Variants in PCDH9 observed in about 807,000 individuals in gnomAD.
PCDH9 encodes the protein protocadherin 9.
PCDH9 carries 24 observed loss-of-function variants against 70.6 expected under a neutral mutation model. The ratio of observed to expected loss-of-function variants is 0.34; its 90% CI spans 0.25 to 0.48. PCDH9 has a LOEUF of 0.48. Among genes scored for constraint, PCDH9 ranks in the 20% least tolerant of loss-of-function variants. The pLI, the probability that PCDH9 is intolerant of heterozygous loss-of-function variation, is 0.99. For missense variants in PCDH9, 1,281 were observed against 1,503.6 expected (o/e 0.85, Z 2.45); for synonymous variants, 562 against 558.5 (o/e 1.01, Z -0.09).
intron 4 of PCDH9, among the ~76,000 whole-genome samples, chr13:66,506,845 A>C (rs956035280): frequency 5.9e-5 from 9 of 152,262 alleles, no homozygotes; most frequent in African/African-American, 2.2e-4. Context: ...CAAGAGGAAG[A>C]AATACTTTTT....
At chr13:67,130,681 T>C (rs1294499104) in intron 2 of PCDH9, among the ~76,000 whole-genome samples, 2 of 151,972 alleles carry the variant, frequency 1.3e-5, no homozygotes, top group Non-Finnish European at 1.5e-5. Flanking sequence ...TGCCTCATCA[T>C]AGGAACATCT....
At chr13:67,199,228 T>C (rs2138046135) in intron 2 of PCDH9, among the ~76,000 whole-genome samples, 1 of 151,768 alleles carries the variant, frequency 6.6e-6, no homozygotes, top group East Asian at 1.9e-4. Context: ...TGTGAACATA[T>C]ACCATATACA....
Position 67,226,143 on chromosome 13 carries a change from C to T in PCDH9, c.2298G>A (p.Thr766=), listed in dbSNP as rs769828344. 23 of 1,613,986 alleles carry T rather than the reference C, an allele frequency of 1.4e-5. No homozygotes were observed. In the Admixed American group the frequency reaches 2.5e-4, roughly 18 times the overall value. The change falls in exon 2 of 5, where the codon ACG becomes ACA. Residue 766 remains threonine (T), a synonymous_variant. Coordinates refer to ENST00000377865, the MANE Select transcript of PCDH9 (RefSeq NM_203487.3). This position sits in a 1 kb window ranked among gnomAD's most constrained non-coding sequence, Gnocchi z 5.0. The stretch of plus-strand genomic sequence containing the variant: ...TAACATAAAGGAATACAAGCACAAG[C>T]GTGTGCAAAGACTTAGGGTACCCCA... ...SDLGYPKSLH[T]LVLVFLYVND...
At chr13:66,670,747 A>G (rs2078162433) in intron 3 of PCDH9, among the ~76,000 whole-genome samples, 1 of 152,002 alleles carries the variant, frequency 6.6e-6, no homozygotes, top group South Asian at 2.1e-4. Context: ...CACATTATGT[A>G]TTTTAATGAT....
intron 3 of PCDH9, among the ~76,000 whole-genome samples, chr13:66,764,143 G>T (rs895209515): frequency 1.3e-5 from 2 of 151,472 alleles, no homozygotes; most frequent in African/African-American, 4.9e-5. Flanking sequence ...TATATGTGGG[G>T]CCTTCCATAT....
At chr13:66,961,481 G>A (rs1014323289) in intron 2 of PCDH9, among the ~76,000 whole-genome samples, 8 of 152,122 alleles carry the variant, frequency 5.3e-5, no homozygotes, top group African/African-American at 1.9e-4. Flanking sequence ...CAAAATTTAA[G>A]AAATATTGAA....
At chr13:66,411,961 A>T (rs1309850345) in intron 4 of PCDH9, among the ~76,000 whole-genome samples, 1 of 152,306 alleles carries the variant, frequency 6.6e-6, no homozygotes, top group Non-Finnish European at 1.5e-5. Context: ...ACTATTTTCA[A>T]GTAACTGTTC....
chr13:67,089,512 G>A (rs1399056942), intron 2 of PCDH9, among the ~76,000 whole-genome samples: 1 of 151,762 alleles, frequency 6.6e-6, no homozygotes, highest in African/African-American at 2.4e-5. Flanking sequence ...ATTGCATTAG[G>A]CCATGAATAC....
At chr13:66,893,229 TA>T (rs879684957) in intron 3 of PCDH9, among the ~76,000 whole-genome samples, 1 of 152,152 alleles carries the variant, frequency 6.6e-6, no homozygotes, top group African/African-American at 2.4e-5. Context: ...TCCGGACAAA[TA>T]ATCCATGAAA....
chr13:67,011,311 C>T (rs1180419403), intron 2 of PCDH9, among the ~76,000 whole-genome samples: 1 of 151,806 alleles, frequency 6.6e-6, no homozygotes, highest in Non-Finnish European at 1.5e-5. Context: ...AGAACAAAAA[C>T]ATTATTCAAA....
intron 3 of PCDH9, among the ~76,000 whole-genome samples, chr13:66,830,884 A>C (rs2080913518): frequency 6.6e-6 from 1 of 152,238 alleles, no homozygotes; most frequent in African/African-American, 2.4e-5. Flanking sequence ...TTTATGTTAA[A>C]TTTTAACTTA....
At chr13:66,747,104 C>A (rs764210472) in intron 3 of PCDH9, among the ~76,000 whole-genome samples, 1 of 152,226 alleles carries the variant, frequency 6.6e-6, no homozygotes, top group Non-Finnish European at 1.5e-5. Flanking sequence ...GTAATCCCAG[C>A]GCCTTGGGAG....
rs1225153360 is a variant in PCDH9, at chr13:66,345,879, T to C, written c.3341-40851A>G. On this transcript the variant is annotated intron_variant, in intron 4 of 4. Coordinates refer to ENST00000377865, the MANE Select transcript of PCDH9 (RefSeq NM_203487.3). ...CCATCTCTTTTACAATAACACTCCC[T>C]GTTTGAGGAAAAGACCCCAGTGAGC... 2.6e-5 allele frequency among the ~76,000 whole-genome samples: 4 copies of C among 152,152 alleles called. No homozygotes were observed. The South Asian group carries it at 6.2e-4, about 24-fold the overall frequency.
chr13:66,570,197 T>A (rs985621077), intron 4 of PCDH9, among the ~76,000 whole-genome samples: 2 of 152,144 alleles, frequency 1.3e-5, no homozygotes, highest in African/African-American at 2.4e-5. Flanking sequence ...ACAACATTGT[T>A]GAAATGACAC....
At chr13:66,992,404 A>G (rs1400364354) in intron 2 of PCDH9, among the ~76,000 whole-genome samples, 1 of 152,134 alleles carries the variant, frequency 6.6e-6, no homozygotes, top group Non-Finnish European at 1.5e-5. Flanking sequence ...AATTCATACC[A>G]AGCCTTCAGA....
At chr13:67,080,606 T>C (rs922107586) in intron 2 of PCDH9, among the ~76,000 whole-genome samples, 1 of 152,252 alleles carries the variant, frequency 6.6e-6, no homozygotes, top group Admixed American at 6.5e-5. Flanking sequence ...TGCTGTTTAC[T>C]GGTAACTATG....
chr13:66,319,884 C>A (rs977046599), intron 4 of PCDH9, among the ~76,000 whole-genome samples: 1 of 152,046 alleles, frequency 6.6e-6, no homozygotes, highest in African/African-American at 2.4e-5. Context: ...CTGTGAAGAC[C>A]TAAATGGTCT....
chr13:66,903,457 T>C (rs1205595295), intron 3 of PCDH9, 47 bp downstream of exon 3: 4 of 684,162 alleles, frequency 5.8e-6, no homozygotes, highest in Middle Eastern at 2.6e-4. Flanking sequence ...ATGAGGAAAA[T>C]GAAAATTTAT....
At chr13:66,463,926 T>TCTA (rs1958469898) in intron 4 of PCDH9, among the ~76,000 whole-genome samples, 2 of 151,854 alleles carry the variant, frequency 1.3e-5, no homozygotes, top group East Asian at 3.9e-4. Flanking sequence ...TGATTAGATG[T>TCTA]CTAGGGGAAA....
Sources: allele counts gnomAD v4.1 joint callset (sites outside exome capture counted in the v4.1 genomes callset), GRCh38; gene constraint gnomAD v4.1.1; non-coding constraint Gnocchi (gnomAD v3.1); transcripts MANE v1.5; gene names NCBI Gene and HGNC (gene_info 2026-07-23, HGNC 2026-07-21).